Variants in UBAC2 observed in about 807,000 individuals in gnomAD.
UBAC2 encodes the protein UBA domain containing 2, also known as ubiquitin-associated domain-containing protein 2.
Under a neutral mutation model 44.0 loss-of-function variants are expected in UBAC2, and 26 were observed. The ratio of observed to expected loss-of-function variants is 0.59; its 90% CI spans 0.43 to 0.82. The LOEUF is 0.82. Ranked by LOEUF, UBAC2 falls within the 40% of genes least tolerant of loss-of-function variation. The probability of loss-of-function intolerance (pLI) is 0.00; values close to 1 mark genes in which losing one functional copy is unlikely to be tolerated. For missense variants in UBAC2, 329 were observed against 419.4 expected (o/e 0.78, Z 1.88); for synonymous variants, 155 against 154.3 (o/e 1.00, Z -0.04).
In UBAC2 at chr13:99,290,355, A is replaced by C. The variant is rs1412873013; in HGVS notation, c.390-23742A>C. On this transcript the variant is annotated intron_variant, in intron 4 of 8. Coordinates refer to ENST00000403766, the MANE Select transcript of UBAC2 (RefSeq NM_001144072.2). Reference sequence around the variant, plus strand: ...AAGGCTAAAGTTTCTGACTCTCATCAAGAGGCCTGGGGGAAAGAGGTTGTA... The same window carrying C: ...AAGGCTAAAGTTTCTGACTCTCATCCAGAGGCCTGGGGGAAAGAGGTTGTA... Among the ~76,000 whole-genome samples the C allele has an allele frequency of 3.9e-5, 6 of 152,172 alleles. No individual in the cohort carries two copies. The East Asian group carries it at 1.2e-3, about 29-fold the overall frequency.
chr13:99,339,507 T>C (rs907102802), intron 6 of UBAC2, among the ~76,000 whole-genome samples: 1 of 152,240 alleles, frequency 6.6e-6, no homozygotes, highest in Non-Finnish European at 1.5e-5. Context: ...TAGCACAGTC[T>C]CAAAGAATTC....
chr13:99,214,346 A>G (rs527875447), intron 1 of UBAC2, among the ~76,000 whole-genome samples: 22 of 151,344 alleles, frequency 1.5e-4, no homozygotes, highest in Admixed American at 8.6e-4. Flanking sequence ...CTGGATTCCT[A>G]AGTACCTAGT....
At position 99,340,336 on chromosome 13, in the gene UBAC2, A is replaced by G; in HGVS notation, c.578A>G (p.Tyr193Cys). Residue 193 changes from tyrosine (Y) to cysteine (C), a missense_variant, in exon 7 of 9, where the codon TAC (tyrosine) becomes TGC (cysteine). Tyr to Cys is a radical substitution (Grantham distance 194). Coordinates refer to ENST00000403766, the MANE Select transcript of UBAC2 (RefSeq NM_001144072.2). ...AISGLMSGLC[Y>C]DSKMFQVHQV... ...TTCTTCTAGATGTCCGGTCTGTGCTACGACAGCAAAATGTTCCAGGTGCAT... is the reference window on the plus strand; with the variant it reads ...TTCTTCTAGATGTCCGGTCTGTGCTGCGACAGCAAAATGTTCCAGGTGCAT... The G allele has an allele frequency of 6.2e-7, 1 of 1,614,258 alleles. No individual in the cohort carries two copies. The highest frequency in any genetic ancestry group is 8.5e-7 in the Non-Finnish European group (1 of 1,180,040).
chr13:99,296,211 A>G (rs562331726), intron 4 of UBAC2: 2 of 1,446,810 alleles, frequency 1.4e-6, no homozygotes, highest in African/African-American at 1.4e-5. Context: ...ATATGTATTC[A>G]GTTTGATTAC....
At chr13:99,374,514 T>TTTAA (rs1265764282) in intron 8 of UBAC2, among the ~76,000 whole-genome samples, 57 of 152,316 alleles carry the variant, frequency 3.7e-4, no homozygotes, top group African/African-American at 1.3e-3. Flanking sequence ...AGAGAATGGC[T>TTTAA]TTAAACCCAC....
intron 4 of UBAC2, among the ~76,000 whole-genome samples, chr13:99,287,203 G>T (rs1229772724): frequency 6.6e-6 from 1 of 152,054 alleles, no homozygotes; most frequent in African/African-American, 2.4e-5. Flanking sequence ...CATGGTGTTA[G>T]CCTGCAGTGT....
intron 4 of UBAC2, among the ~76,000 whole-genome samples, chr13:99,274,611 G>T (rs1221873165): frequency 6.6e-6 from 1 of 152,140 alleles, no homozygotes; most frequent in Non-Finnish European, 1.5e-5. Context: ...CAGGCATGAG[G>T]CACGTGCCTG....
At position 99,295,032 on chromosome 13, in the gene UBAC2, G is replaced by A. The variant is rs140312850; in HGVS notation, c.390-19065G>A. On this transcript the variant is annotated intron_variant, in intron 4 of 8. Transcript: ENST00000403766. This position sits in a 1 kb window ranked among gnomAD's most constrained non-coding sequence, Gnocchi z 4.1. ...CTGCAAAGTTTGTCATACAGTTTAC[G>A]TCACTATAAACCAAAATACAATCCA... 7.5e-5 allele frequency: 120 copies of A among 1,593,848 alleles called. No homozygotes were observed. The East Asian group carries it at 1.6e-3, about 21-fold the overall frequency.
At chr13:99,262,084 G>A (rs2043671286) in intron 4 of UBAC2, among the ~76,000 whole-genome samples, 1 of 152,146 alleles carries the variant, frequency 6.6e-6, no homozygotes, top group African/African-American at 2.4e-5. Flanking sequence ...CCTTTGCCCA[G>A]TGTCTCCACA....
intron 4 of UBAC2, among the ~76,000 whole-genome samples, chr13:99,304,670 C>G (rs1252980025): frequency 1.3e-5 from 2 of 152,176 alleles, no homozygotes; most frequent in Non-Finnish European, 2.9e-5. Context: ...CCTGGGCACT[C>G]TATGTGTGTT....
At chr13:99,234,707 G>A (rs577330544) in intron 1 of UBAC2, among the ~76,000 whole-genome samples, 5 of 152,312 alleles carry the variant, frequency 3.3e-5, no homozygotes, top group African/African-American at 9.6e-5. Context: ...AGCTCAGCAA[G>A]TAGCTTCAGG....
At position 99,385,365 on chromosome 13, in the gene UBAC2, G is replaced by A. The variant is rs112139613; in HGVS notation, c.*30G>A. On this transcript the variant is annotated 3_prime_UTR_variant, in exon 9 of 9. Transcript: ENST00000403766. Reference sequence around the variant, plus strand: ...CCCAGGCCAACACTGGGACCGGACCGGCAGCCGAGTGACAGTGCGTGGTCC... The same window carrying A: ...CCCAGGCCAACACTGGGACCGGACCAGCAGCCGAGTGACAGTGCGTGGTCC... 9.0e-5 allele frequency: 142 copies of A among 1,574,878 alleles called. No individual in the cohort carries two copies. In the African/African-American group the frequency reaches 1.2e-3, roughly 13 times the overall value.
intron 4 of UBAC2, among the ~76,000 whole-genome samples, chr13:99,290,361 C>G (rs1237532887): frequency 6.6e-6 from 1 of 152,092 alleles, no homozygotes; most frequent in Non-Finnish European, 1.5e-5. Context: ...CATCAAGAGG[C>G]CTGGGGGAAA....
At chr13:99,202,072 CAAAAA>C (rs776251286) in intron 1 of UBAC2, among the ~76,000 whole-genome samples, 2 of 71,972 alleles carry the variant, frequency 2.8e-5, no homozygotes, top group African/African-American at 1.1e-4. Context: ...GACTCCATCT[CAAAAA>C]AAAAAAAAAA....
chr13:99,253,100 GAT>G (rs1466323950), intron 4 of UBAC2, among the ~76,000 whole-genome samples: 1 of 149,700 alleles, frequency 6.7e-6, no homozygotes, highest in Non-Finnish European at 1.5e-5. Flanking sequence ...AATATATAAA[GAT>G]ATAATATCTA....
chr13:99,302,718 A>C (rs2044274292), intron 4 of UBAC2, among the ~76,000 whole-genome samples: 1 of 152,186 alleles, frequency 6.6e-6, no homozygotes. Flanking sequence ...AGGAACCTGC[A>C]CTGCTGTGGA....
chr13:99,269,234 C>G (rs2043786857), intron 4 of UBAC2, among the ~76,000 whole-genome samples: 1 of 152,092 alleles, frequency 6.6e-6, no homozygotes, highest in Non-Finnish European at 1.5e-5. Flanking sequence ...AAACCGTGAG[C>G]ATTCTGTGGT....
At chr13:99,269,364 G>A (rs1351622340) in intron 4 of UBAC2, among the ~76,000 whole-genome samples, 1 of 152,194 alleles carries the variant, frequency 6.6e-6, no homozygotes, top group East Asian at 1.9e-4. Context: ...AGGATGTTCT[G>A]TGCAGCCTAG....
At chr13:99,289,367 T>G (rs2044060915) in intron 4 of UBAC2, among the ~76,000 whole-genome samples, 2 of 152,110 alleles carry the variant, frequency 1.3e-5, no homozygotes, top group African/African-American at 4.8e-5. Context: ...AACCAAACAT[T>G]TTATCCACAG....
Sources: gnomAD v4.1 joint callset for allele counts (sites outside exome capture counted in the v4.1 genomes callset) on GRCh38, gnomAD v4.1.1 for gene constraint, Gnocchi (gnomAD v3.1) non-coding constraint, MANE v1.5 for transcripts, NCBI Gene and HGNC (gene_info 2026-07-23, HGNC 2026-07-21) for gene names.